Variants in VPS13C observed in about 807,000 individuals in gnomAD.
VPS13C encodes intermembrane lipid transfer protein VPS13C.
A neutral mutation model predicts 456.8 loss-of-function variants in VPS13C; 358 were observed. The observed-to-expected ratio is 0.78, with a 90% CI of 0.72 to 0.86. The LOEUF is 0.86. Ranked by LOEUF, VPS13C falls within the 40% of genes least tolerant of loss-of-function variation. VPS13C has a pLI of 0.00. For synonymous variants in VPS13C, 1,578 were observed against 1,486.7 expected (o/e 1.06, Z -1.41); for missense variants, 4,818 against 4,385.4 (o/e 1.10, Z -2.79).
chr15:61,941,233 G>A (rs111520907), intron 46 of VPS13C, among the ~76,000 whole-genome samples: 10 of 152,168 alleles, frequency 6.6e-5, no homozygotes, highest in African/African-American at 2.4e-4. Context: ...AAAGTTAAAC[G>A]AACATACGGT....
At position 61,885,724 on chromosome 15, in the gene VPS13C, CTAAG is replaced by C. The variant is rs983080608; in HGVS notation, c.9342-1459_9342-1456del. 3.7e-4 allele frequency among the ~76,000 whole-genome samples: 56 copies of C among 152,234 alleles called. 1 individual carries two copies. The highest frequency in any genetic ancestry group is 1.1e-3 in the African/African-American group (46 of 41,564). On this transcript the variant is annotated intron_variant, in intron 67 of 84. Coordinates refer to ENST00000644861, the MANE Select transcript of VPS13C (RefSeq NM_020821.3). ...TCACTAGCTTTATGAATTTGTCCAA[CTAAG>C]TCTTTTTCTGTTCCACACATATTTT...
chr15:61,991,036 AT>A lies in VPS13C; in HGVS notation c.1541del (p.Tyr514LeufsTer8), dbSNP rs1285718726. 1 of 1,612,834 alleles carries A rather than the reference AT, an allele frequency of 6.2e-7. No homozygotes were observed. Among genetic ancestry groups the A allele is most frequent in the African/African-American group, 1.3e-5 (1 of 74,860 alleles). ...AAGTTAGGTTGTGGGTACTCTCACTATAACCAATGGCAGTGAAGAGTTTATC... is the reference window on the plus strand; with the variant it reads ...AAGTTAGGTTGTGGGTACTCTCACTAAACCAATGGCAGTGAAGAGTTTATC... The part of the protein sequence containing the change: ...EKDKLFTAIG[Y>X]SESTHNLTLP... On this transcript the variant is annotated frameshift_variant, in exon 18 of 85. Coordinates refer to ENST00000644861, the MANE Select transcript of VPS13C (RefSeq NM_020821.3). LOFTEE classifies it high-confidence loss of function.
intron 81 of VPS13C, 39 bp from the exon 82 acceptor site, chr15:61,863,567 C>T (rs757505647): frequency 7.0e-7 from 1 of 1,429,748 alleles, no homozygotes; most frequent in South Asian, 1.2e-5. Flanking sequence ...GGAAGTTATG[C>T]ATTTAAGTAG....
intron 66 of VPS13C, among the ~76,000 whole-genome samples, chr15:61,899,531 C>A (rs866224194): frequency 6.6e-6 from 1 of 151,532 alleles, no homozygotes; most frequent in Non-Finnish European, 1.5e-5. Context: ...ATAAATTCCT[C>A]GACACATACA....
chr15:62,052,963 T>C (rs2048674268), intron 1 of VPS13C, among the ~76,000 whole-genome samples: 1 of 152,192 alleles, frequency 6.6e-6, no homozygotes, highest in Non-Finnish European at 1.5e-5. Context: ...TTGAGTAATG[T>C]GGTAGAGCTT....
intron 28 of VPS13C, 79 bp downstream of exon 28, chr15:61,969,220 A>T: frequency 6.9e-6 from 7 of 1,016,680 alleles, no homozygotes; most frequent in Non-Finnish European, 9.9e-6. Context: ...TTATAAATAC[A>T]ATATAAATGA....
In VPS13C at chr15:62,023,285, G is replaced by A. The variant is rs972532225; in HGVS notation, c.624+126C>T. On this transcript the variant is annotated intron_variant, in intron 8 of 84. Transcript: ENST00000644861. The stretch of plus-strand genomic sequence containing the variant: ...GAGGCTAACACAAGAGGATATGGTA[G>A]TGTACTCATAAGAAAAAAATTAATC... 22 of 511,040 alleles carry A rather than the reference G, an allele frequency of 4.3e-5. No individual in the cohort carries two copies. In the East Asian group the frequency reaches 7.0e-4, roughly 16 times the overall value. 31.7% of individuals were successfully genotyped at this position (511,040 alleles called of 1,614,324 possible).
chr15:61,912,766 A>G lies in VPS13C; in HGVS notation c.8550+545T>C, dbSNP rs2043339535. Among the ~76,000 whole-genome samples, 4 of 148,140 alleles carry G rather than the reference A, an allele frequency of 2.7e-5. No individual in the cohort carries two copies. The South Asian group carries it at 8.9e-4, about 33-fold the overall frequency. The stretch of plus-strand genomic sequence containing the variant: ...ATTAACTGGTCACTTAGCATTAGGT[A>G]TATCTCCTAATGCTATCCCTCCCCC... On this transcript the variant is annotated intron_variant, in intron 62 of 84. Coordinates refer to ENST00000644861, the MANE Select transcript of VPS13C (RefSeq NM_020821.3).
At chr15:61,976,260 G>A (rs1434632374) in intron 24 of VPS13C, among the ~76,000 whole-genome samples, 2 of 151,916 alleles carry the variant, frequency 1.3e-5, no homozygotes, top group South Asian at 2.1e-4. Flanking sequence ...ATCAGTGAAC[G>A]ACTGATACAT....
In VPS13C at chr15:61,853,721, G is replaced by A. The variant is rs1472852946; in HGVS notation, c.*736C>T. On this transcript the variant is annotated 3_prime_UTR_variant, in exon 85 of 85. Transcript: ENST00000644861. ...AAATCACTCTTAAACAAAATGTCAGGATCCAACATTTGTTCATGGGTTAAA... is the reference window on the plus strand; with the variant it reads ...AAATCACTCTTAAACAAAATGTCAGAATCCAACATTTGTTCATGGGTTAAA... The A allele has an allele frequency of 1.3e-5, 2 of 151,964 alleles. No individual in the cohort carries two copies. The highest frequency in any genetic ancestry group is 4.8e-5 in the African/African-American group (2 of 41,388). The allele number at this position is 151,964 out of a possible 1,614,324, so 9.4% of individuals were successfully genotyped here. A position where few individuals can be genotyped will look rare whatever the true frequency, so the allele number is the denominator to read the frequency against.
At chr15:61,881,936 G>T in intron 69 of VPS13C, 108 bp from the exon 70 acceptor site, 2 of 919,098 alleles carry the variant, frequency 2.2e-6, no homozygotes, top group South Asian at 1.9e-5. Flanking sequence ...TTAAGTGTCT[G>T]CGTGTATATG....
intron 10 of VPS13C, 70 bp downstream of exon 10, chr15:62,013,863 A>G (rs1050901839): frequency 8.4e-7 from 1 of 1,185,832 alleles, no homozygotes; most frequent in Admixed American, 1.9e-5. Context: ...CTGCTCCATC[A>G]ATGTTTCTTC....
At chr15:61,895,972 C>A (rs1287907274) in intron 66 of VPS13C, among the ~76,000 whole-genome samples, 2 of 152,038 alleles carry the variant, frequency 1.3e-5, no homozygotes, top group Admixed American at 1.3e-4. Context: ...ATGTTCCTAA[C>A]ACAAAGAAAT....
chr15:61,969,535 A>G, intron 27 of VPS13C, 83 bp from the exon 28 acceptor site: 1 of 917,272 alleles, frequency 1.1e-6, no homozygotes, highest in Non-Finnish European at 1.5e-6. Context: ...TTCTCCATAC[A>G]CATCACCATG....
intron 51 of VPS13C, among the ~76,000 whole-genome samples, chr15:61,928,493 T>C (rs1321908825): frequency 6.6e-6 from 1 of 152,188 alleles, no homozygotes; most frequent in Non-Finnish European, 1.5e-5. Flanking sequence ...AAGGTAAATT[T>C]TAAAAATAGC....
intron 33 of VPS13C, 89 bp downstream of exon 33, chr15:61,962,660 A>C: frequency 7.6e-7 from 1 of 1,308,058 alleles, no homozygotes; most frequent in Non-Finnish European, 1.0e-6. Flanking sequence ...AATATATTTC[A>C]TTAATGTTTT....
At chr15:61,861,834 T>G (rs1180726102) in intron 82 of VPS13C, among the ~76,000 whole-genome samples, 2 of 152,208 alleles carry the variant, frequency 1.3e-5, no homozygotes, top group African/African-American at 4.8e-5. Flanking sequence ...GTGCTGTGAC[T>G]CATGCCTGTA....
chr15:61,910,257 C>T lies in VPS13C; in HGVS notation c.8764G>A (p.Val2922Met), dbSNP rs2043265855. The change falls in exon 64 of 85, where the codon GTG (valine) becomes ATG (methionine). Residue 2922 changes from valine (V) to methionine (M), a missense_variant. Physicochemically the swap from Val to Met is conservative, Grantham distance 21. Around this residue, in one of 3 missense-constraint regions of VPS13C, gnomAD observed 4,552 missense variants for 4,130.6 expected, o/e 1.10. Transcript: ENST00000644861. ...TTGGAAGATCCTTCACAGCCCACCA[C>T]TCTCACACAAAGTTTGCCTGACAAA... ...ESLSGKLCVR[V>M]VGCEGSSKPF... is the part of the protein sequence containing the mutation. 6.5e-7 allele frequency: 1 copy of T among 1,528,316 alleles called. No homozygotes were observed. The highest frequency in any genetic ancestry group is 1.8e-5 in the Admixed American group (1 of 54,058). The allele number at this position is 1,528,316 out of a possible 1,614,324, so 94.7% of individuals were successfully genotyped here. A position where few individuals can be genotyped will look rare whatever the true frequency, so the allele number is the denominator to read the frequency against.
intron 66 of VPS13C, among the ~76,000 whole-genome samples, chr15:61,892,236 A>G (rs2042674562): frequency 6.6e-6 from 1 of 152,176 alleles, no homozygotes; most frequent in Admixed American, 6.5e-5. Flanking sequence ...ATTTCAGCCA[A>G]AGGAAACGCC....
Sources: allele counts gnomAD v4.1 joint callset (sites outside exome capture counted in the v4.1 genomes callset), GRCh38; gene constraint gnomAD v4.1.1; regional missense constraint gnomAD v4.1.1; transcripts MANE v1.5; gene names NCBI Gene and HGNC (gene_info 2026-07-23, HGNC 2026-07-21).